The following LRRC36 variants were observed in gnomAD, a reference collection of about 807,000 sequenced individuals.
LRRC36 encodes the protein leucine rich repeat containing 36, also known as leucine-rich repeat-containing protein 36.
LRRC36 carries 62 observed loss-of-function variants against 81.1 expected under a neutral mutation model. The observed-to-expected ratio is 0.76, with a 90% CI of 0.62 to 0.94. The LOEUF is 0.94. Ranked by LOEUF, LRRC36 falls within the 40% of genes least tolerant of loss-of-function variation. The pLI is 0.00. For missense variants in LRRC36, 761 were observed against 881.7 expected, an observed-to-expected ratio of 0.86 and a Z score of 1.73; for synonymous variants, 334 against 348.6, an observed-to-expected ratio of 0.96 and a Z score of 0.47.
At chr16:67,357,528 A>G (rs2038955702) in intron 5 of LRRC36, among the ~76,000 whole-genome samples, 1 of 152,148 alleles carries the variant, frequency 6.6e-6, no homozygotes, top group Non-Finnish European at 1.5e-5. Context: ...AAGGGGAGGA[A>G]AGAGGGTTAA....
intron 5 of LRRC36, among the ~76,000 whole-genome samples, chr16:67,361,239 C>T (rs576808076): frequency 1.3e-5 from 2 of 152,122 alleles, no homozygotes; most frequent in South Asian, 4.2e-4. Context: ...ACTATGTTGC[C>T]CAGGCTGGTG....
At chr16:67,337,588 G>C (rs769580574) in intron 1 of LRRC36, among the ~76,000 whole-genome samples, 6 of 151,326 alleles carry the variant, frequency 4.0e-5, no homozygotes. Flanking sequence ...TCAAACTCCT[G>C]GCCTCAGGTG....
At chr16:67,327,095 A>T in intron 1 of LRRC36, 163 bp downstream of exon 1, 1 of 602,150 alleles carries the variant, frequency 1.7e-6, no homozygotes, top group Non-Finnish European at 2.6e-6. Flanking sequence ...AGAAGGTTAG[A>T]GGGAGGTGGA....
intron 5 of LRRC36, among the ~76,000 whole-genome samples, chr16:67,352,776 C>T (rs1048777773): frequency 2.0e-5 from 3 of 151,744 alleles, no homozygotes; most frequent in Non-Finnish European, 2.9e-5. Flanking sequence ...CTCCTAGGCT[C>T]AAGCCATCCT....
chr16:67,347,936 C>G lies in LRRC36; in HGVS notation c.488+345C>G, dbSNP rs919343630. Among the ~76,000 whole-genome samples the G allele has an allele frequency of 8.5e-5, 13 of 152,192 alleles. No homozygotes were observed. The East Asian group carries it at 2.1e-3, about 25-fold the overall frequency. ...TTATCAATCAGTTCCTGATCTTGTC[C>G]TATTGAATTAGGATTACATTACCAT... is the stretch of plus-strand genomic sequence containing the variant. On this transcript the variant is annotated intron_variant, in intron 4 of 13. Transcript: ENST00000329956.
chr16:67,330,931 A>G (rs765107461), intron 1 of LRRC36, among the ~76,000 whole-genome samples: 2 of 152,060 alleles, frequency 1.3e-5, no homozygotes, highest in Non-Finnish European at 2.9e-5. Context: ...ACCATAGACT[A>G]GGTAATTTAT....
At chr16:67,379,383 C>A (rs1023525120) in intron 12 of LRRC36, among the ~76,000 whole-genome samples, 5 of 151,962 alleles carry the variant, frequency 3.3e-5, no homozygotes, top group African/African-American at 1.2e-4. Flanking sequence ...CCACTGCAAT[C>A]CAGCCTGGGT....
At chr16:67,370,172 C>T (rs556736234) in intron 8 of LRRC36, among the ~76,000 whole-genome samples, 1 of 152,180 alleles carries the variant, frequency 6.6e-6, no homozygotes, top group African/African-American at 2.4e-5. Context: ...AATACAGATA[C>T]AGGAGAGTTG....
intron 1 of LRRC36, among the ~76,000 whole-genome samples, chr16:67,328,570 C>T (rs1253691078): frequency 3.3e-5 from 5 of 152,068 alleles, no homozygotes; most frequent in African/African-American, 1.2e-4. Context: ...TTTACTCCCC[C>T]ATCCCCGTCT....
At chr16:67,350,408 C>T (rs2038571895) in intron 5 of LRRC36, 118 bp downstream of exon 5, 13 of 841,552 alleles carry the variant, frequency 1.5e-5, no homozygotes, top group South Asian at 1.4e-4. Flanking sequence ...GAAGCAAGCA[C>T]AGGTTTACTG....
chr16:67,379,727 G>A (rs536136951), intron 12 of LRRC36, among the ~76,000 whole-genome samples: 44 of 152,174 alleles, frequency 2.9e-4, no homozygotes, highest in Non-Finnish European at 6.0e-4. Context: ...TAATAAAACT[G>A]TGTCCTGGTT....
chr16:67,383,380 A>G (rs1349950085), intron 13 of LRRC36, among the ~76,000 whole-genome samples: 1 of 152,242 alleles, frequency 6.6e-6, no homozygotes, highest in East Asian at 1.9e-4. Flanking sequence ...ACAAAAGTAA[A>G]GAGGATAGCA....
chr16:67,383,071 CAAAAAAAAAA>C (rs59297593), intron 13 of LRRC36, among the ~76,000 whole-genome samples: 3 of 44,364 alleles, frequency 6.8e-5, no homozygotes, highest in Non-Finnish European at 1.6e-4. Context: ...GGCTCCGTCT[CAAAAAAAAAA>C]AAAAAAAAAA....
intron 9 of LRRC36, among the ~76,000 whole-genome samples, chr16:67,373,938 G>A (rs537798839): frequency 5.9e-5 from 9 of 151,666 alleles, no homozygotes; most frequent in African/African-American, 2.2e-4. Context: ...GCTTGAACCT[G>A]GGAGGCAGAG....
chr16:67,337,445 C>T (rs1422954879), intron 1 of LRRC36, among the ~76,000 whole-genome samples: 5 of 151,290 alleles, frequency 3.3e-5, no homozygotes. Flanking sequence ...GCAGCCCCCA[C>T]CTCCTGGATT....
intron 11 of LRRC36, among the ~76,000 whole-genome samples, chr16:67,377,552 A>T (rs1486585255): frequency 6.6e-6 from 1 of 151,642 alleles, no homozygotes; most frequent in Non-Finnish European, 1.5e-5. Context: ...AGGTGGTCTC[A>T]AACTCCTGAC....
intron 1 of LRRC36, among the ~76,000 whole-genome samples, chr16:67,341,544 G>A (rs2038083243): frequency 6.6e-6 from 1 of 151,632 alleles, no homozygotes; most frequent in Non-Finnish European, 1.5e-5. Context: ...ACCTTTGACA[G>A]TTTTCTATTT....
intron 2 of LRRC36, among the ~76,000 whole-genome samples, chr16:67,345,838 C>T (rs2038320526): frequency 6.6e-6 from 1 of 151,846 alleles, no homozygotes; most frequent in Admixed American, 6.6e-5. Context: ...TTGCTTACCT[C>T]CCTTCTTCTT....
intron 5 of LRRC36, 84 bp downstream of exon 5, chr16:67,350,374 ACAT>A: frequency 8.8e-7 from 1 of 1,131,960 alleles, no homozygotes; most frequent in Non-Finnish European, 1.3e-6. Flanking sequence ...AGATGAAGAC[ACAT>A]AGTTGAGAAA....
Sources: gnomAD v4.1 joint callset for allele counts (sites outside exome capture counted in the v4.1 genomes callset) on GRCh38, gnomAD v4.1.1 for gene constraint, MANE v1.5 for transcripts, NCBI Gene and HGNC (gene_info 2026-07-23, HGNC 2026-07-21) for gene names.